Variants in UBE2T observed in about 807,000 individuals in gnomAD.
UBE2T encodes ubiquitin-conjugating enzyme E2 T.
In UBE2T, 15 loss-of-function variants were observed where a neutral mutation model predicts 23.3. That is an observed-to-expected ratio of 0.64 (90% confidence interval 0.43 to 0.99). The LOEUF (loss-of-function observed/expected upper bound fraction) is 0.99. UBE2T is among the 50% of genes least tolerant of loss of function. UBE2T has a pLI of 0.00. For missense variants in UBE2T, 197 were observed against 234.9 expected (o/e 0.84, Z 1.05); for synonymous variants, 67 against 78.4 (o/e 0.85, Z 0.77).
chr1:202,333,559 T>C lies in UBE2T; in HGVS notation c.180-4A>G. ...CTGAGGAGGTTCAAATGGGTACCTA[T>C]GAAAGAATAAGACAACAGATAATTT... is the stretch of plus-strand genomic sequence containing the variant. On this transcript the variant is annotated splice_polypyrimidine_tract_variant and splice_region_variant and intron_variant, in intron 3 of 6. Transcript: ENST00000646651. 6.2e-7 allele frequency: 1 copy of C among 1,608,464 alleles called. No individual in the cohort carries two copies. The highest frequency in any genetic ancestry group is 8.5e-7 in the Non-Finnish European group (1 of 1,175,892).
At chr1:202,341,676 G>A (rs1053846129) in intron 1 of UBE2T, among the ~76,000 whole-genome samples, 1 of 149,510 alleles carries the variant, frequency 6.7e-6, no homozygotes, top group African/African-American at 2.5e-5. Context: ...ATTTCTCCCT[G>A]CTGTGGCAGG....
At chr1:202,339,947 C>T (rs1016024289) in intron 1 of UBE2T, among the ~76,000 whole-genome samples, 5 of 152,140 alleles carry the variant, frequency 3.3e-5, no homozygotes, top group African/African-American at 1.2e-4. Context: ...CAGTGGCTCA[C>T]GCCTGTAATC....
chr1:202,338,452 C>T lies in UBE2T; in HGVS notation c.-64-2634G>A, dbSNP rs550583244. Among the ~76,000 whole-genome samples the T allele has an allele frequency of 2.8e-4, 42 of 152,182 alleles. No homozygotes were observed. In the East Asian group the frequency reaches 6.8e-3, roughly 25 times the overall value. On this transcript the variant is annotated intron_variant, in intron 1 of 6. Transcript: ENST00000646651. ...GTGAGGCTGGTCTCGAACCACGGAC[C>T]TCAGGTAATCCACCCATCTCAGCCT...
intron 1 of UBE2T, among the ~76,000 whole-genome samples, chr1:202,339,470 T>G (rs1162744194): frequency 1.3e-5 from 2 of 151,856 alleles, no homozygotes; most frequent in African/African-American, 4.8e-5. Context: ...GAATAAAAAT[T>G]TATGACAAAA....
At chr1:202,341,369 G>A (rs1055610052) in intron 1 of UBE2T, among the ~76,000 whole-genome samples, 4 of 151,484 alleles carry the variant, frequency 2.6e-5, no homozygotes, top group African/African-American at 7.3e-5. Context: ...ACGAGGTCAG[G>A]AGATCGAGAC....
At chr1:202,332,414 C>G (rs1047588660) in intron 6 of UBE2T, among the ~76,000 whole-genome samples, 8 of 152,218 alleles carry the variant, frequency 5.3e-5, no homozygotes, top group African/African-American at 1.9e-4. Context: ...ACTCCACTAT[C>G]CCTGCTACCT....
Position 202,331,880 on chromosome 1 carries a change from G to A in UBE2T, c.549C>T (p.Ala183=), listed in dbSNP as rs1479417767. Residue 183 remains alanine, a synonymous_variant, in exon 7 of 7, where the codon GCC becomes GCT. Transcript: ENST00000646651. ...RVHNSTQKRK[A]SQLVGIEKKF... The stretch of plus-strand genomic sequence containing the variant: ...TCTTTTCTATGCCTACTAGCTGACT[G>A]GCCTTCCTTTTCTGTGTTGAGTTGT... The A allele has an allele frequency of 6.2e-7, 1 of 1,614,066 alleles. No individual in the cohort carries two copies. Among genetic ancestry groups the A allele is most frequent in the Non-Finnish European group, 8.5e-7 (1 of 1,179,980 alleles).
Position 202,335,498 on chromosome 1 carries a change from TA to T in UBE2T, c.109+147del. 1.4e-6 allele frequency: 1 copy of T among 725,270 alleles called. No homozygotes were observed. Among genetic ancestry groups the T allele is most frequent in the Non-Finnish European group, 2.2e-6 (1 of 447,248 alleles). 44.9% of individuals were successfully genotyped at this position (725,270 alleles called of 1,614,324 possible). A position where few individuals can be genotyped will look rare whatever the true frequency, so the allele number is the denominator to read the frequency against. ...CAAGAAATGTCAAGCAAACCTTTTA[TA>T]AATGTAAACAAATTTGGGTAGAAAG... On this transcript the variant is annotated intron_variant, in intron 2 of 6. Coordinates refer to ENST00000646651, the MANE Select transcript of UBE2T (RefSeq NM_014176.4). The surrounding 1 kb of genome is among the most constrained non-coding windows in gnomAD (Gnocchi z 4.0).
chr1:202,332,377 A>G (rs1036205312), intron 6 of UBE2T, among the ~76,000 whole-genome samples: 5 of 152,218 alleles, frequency 3.3e-5, no homozygotes, highest in African/African-American at 1.2e-4. Flanking sequence ...TAAAAGGACA[A>G]CTTAGAAAAA....
intron 1 of UBE2T, among the ~76,000 whole-genome samples, chr1:202,339,966 T>C (rs1217706741): frequency 6.6e-6 from 1 of 152,096 alleles, no homozygotes; most frequent in African/African-American, 2.4e-5. Flanking sequence ...TCCCAGCACT[T>C]TGGGAGGCTG....
At position 202,335,864 on chromosome 1, in the gene UBE2T, T is replaced by C. The variant is rs897893147; in HGVS notation, c.-64-46A>G. 4 of 955,922 alleles carry C rather than the reference T, an allele frequency of 4.2e-6. No homozygotes were observed. Among genetic ancestry groups the C allele is most frequent in the Non-Finnish European group, 6.4e-6 (4 of 627,562 alleles). The allele number at this position is 955,922 out of a possible 1,614,324, so 59.2% of individuals were successfully genotyped here. A position where few individuals can be genotyped will look rare whatever the true frequency, so the allele number is the denominator to read the frequency against. On this transcript the variant is annotated intron_variant, in intron 1 of 6. Transcript: ENST00000646651. The surrounding 1 kb of genome is among the most constrained non-coding windows in gnomAD (Gnocchi z 4.0). ...CCATAAAATCATCAGCAATAATGAC[T>C]ATGAAGTTTTCAGCAAACAGCTTCA...
rs1346443763 is a variant in UBE2T, at chr1:202,335,681, C to G, written c.74G>C (p.Trp25Ser). 4.3e-6 allele frequency: 7 copies of G among 1,614,020 alleles called. No homozygotes were observed. The highest frequency in any genetic ancestry group is 5.9e-6 in the Non-Finnish European group (7 of 1,180,022). ...GTCATCCATTTGGTCTTTATCTTGC[C>G]AACATGTGATGCCTGGGGGTGGCTC... is the stretch of plus-strand genomic sequence containing the variant. The part of the protein sequence containing the change: ...ATEPPPGITC[W>S]QDKDQMDDLR... Residue 25 changes from tryptophan (W) to serine (S), a missense_variant, in exon 2 of 7, where the codon TGG becomes TCG. Coordinates refer to ENST00000646651, the MANE Select transcript of UBE2T (RefSeq NM_014176.4). This position sits in a 1 kb window ranked among gnomAD's most constrained non-coding sequence, Gnocchi z 4.0.
At position 202,335,518 on chromosome 1, in the gene UBE2T, T is replaced by C; in HGVS notation, c.109+128A>G. Reference sequence around the variant, plus strand: ...TTTTATAAATGTAAACAAATTTGGGTAGAAAGATGGTAGGGCACTCTGACC... The same window carrying C: ...TTTTATAAATGTAAACAAATTTGGGCAGAAAGATGGTAGGGCACTCTGACC... On this transcript the variant is annotated intron_variant, in intron 2 of 6. Coordinates refer to ENST00000646651, the MANE Select transcript of UBE2T (RefSeq NM_014176.4). The surrounding 1 kb of genome is among the most constrained non-coding windows in gnomAD (Gnocchi z 4.0). The C allele has an allele frequency of 1.2e-6, 1 of 845,968 alleles. No homozygotes were observed. The highest frequency in any genetic ancestry group is 1.8e-6 in the Non-Finnish European group (1 of 549,422). 52.4% of individuals were successfully genotyped at this position (845,968 alleles called of 1,614,324 possible).
chr1:202,339,512 A>G (rs1407581534), intron 1 of UBE2T, among the ~76,000 whole-genome samples: 2 of 151,718 alleles, frequency 1.3e-5, no homozygotes, highest in Non-Finnish European at 2.9e-5. Context: ...TTTTTTCTTA[A>G]AAATAAAGAT....
chr1:202,335,933 A>C lies in UBE2T; in HGVS notation c.-64-115T>G. 1.8e-6 allele frequency: 1 copy of C among 569,632 alleles called. No individual in the cohort carries two copies. Among genetic ancestry groups the C allele is most frequent in the South Asian group, 2.2e-5 (1 of 44,976 alleles). 35.3% of individuals were successfully genotyped at this position (569,632 alleles called of 1,614,324 possible). On this transcript the variant is annotated intron_variant, in intron 1 of 6. Transcript: ENST00000646651. The surrounding 1 kb of genome is among the most constrained non-coding windows in gnomAD (Gnocchi z 4.0). ...ACAGAGTCCTCTTTTTTGTTTTGAG[A>C]CACAGTTTCACTCTGTCACCCAGAC...
intron 6 of UBE2T, among the ~76,000 whole-genome samples, chr1:202,332,717 G>C (rs1654777811): frequency 6.6e-6 from 1 of 150,550 alleles, no homozygotes; most frequent in African/African-American, 2.4e-5. Flanking sequence ...GACCATCCCG[G>C]CTAAAACGGT....
At chr1:202,334,209 G>C (rs1034121708) in intron 3 of UBE2T, among the ~76,000 whole-genome samples, 2 of 152,144 alleles carry the variant, frequency 1.3e-5, no homozygotes, top group African/African-American at 4.8e-5. Context: ...CCTGATGAGA[G>C]CCTTAAAGGA....
At chr1:202,333,196 A>G (rs1171185610) in intron 5 of UBE2T, 41 bp downstream of exon 5, 1 of 1,611,340 alleles carries the variant, frequency 6.2e-7, no homozygotes, top group East Asian at 2.2e-5. Flanking sequence ...CGGTATAGAC[A>G]AGGTAGGATA....
At position 202,335,081 on chromosome 1, in the gene UBE2T, A is replaced by C. The variant is rs765367925; in HGVS notation, c.110-23T>G. On this transcript the variant is annotated intron_variant, in intron 2 of 6. Transcript: ENST00000646651. This position sits in a 1 kb window ranked among gnomAD's most constrained non-coding sequence, Gnocchi z 4.0. ...TTTCTTAAAAGAAAAAAGAAAGAAA[A>C]AGTTAAAAGGGAATCAGATCATTTG... 2 of 1,581,960 alleles carry C rather than the reference A, an allele frequency of 1.3e-6. No homozygotes were observed. Among genetic ancestry groups the C allele is most frequent in the African/African-American group, 2.7e-5 (2 of 74,038 alleles).
Sources: allele counts gnomAD v4.1 joint callset (sites outside exome capture counted in the v4.1 genomes callset), GRCh38; gene constraint gnomAD v4.1.1; non-coding constraint Gnocchi (gnomAD v3.1); transcripts MANE v1.5; gene names NCBI Gene and HGNC (gene_info 2026-07-23, HGNC 2026-07-21).